KCTD8: variants seen among roughly 807,000 people sequenced by gnomAD.
KCTD8 encodes the protein BTB/POZ domain-containing protein KCTD8.
In KCTD8, 27 loss-of-function variants were observed where a neutral mutation model predicts 31.5. The observed-to-expected ratio is 0.86, with a 90% CI of 0.63 to 1.18. The LOEUF (loss-of-function observed/expected upper bound fraction) is 1.18, where lower values mean the gene tolerates loss of function less well. KCTD8 is among the 50% of genes most tolerant of loss of function. KCTD8 has a pLI of 0.00. For missense variants in KCTD8, 658 were observed against 647.7 expected, an observed-to-expected ratio of 1.02 and a Z score of -0.17; for synonymous variants, 290 against 280.0, an observed-to-expected ratio of 1.04 and a Z score of -0.36.
At chr4:44,213,389 T>G (rs1010644747) in intron 1 of KCTD8, among the ~76,000 whole-genome samples, 2 of 152,186 alleles carry the variant, frequency 1.3e-5, no homozygotes, top group Non-Finnish European at 1.5e-5. Context: ...TTAGGAAAGG[T>G]TATGCCACAT....
At chr4:44,325,964 T>C (rs984718571) in intron 1 of KCTD8, among the ~76,000 whole-genome samples, 6 of 151,924 alleles carry the variant, frequency 3.9e-5, no homozygotes, top group African/African-American at 1.5e-4. Flanking sequence ...ATGGAGAAGT[T>C]CTTGAGACAG....
chr4:44,310,297 G>A (rs577493700), intron 1 of KCTD8, among the ~76,000 whole-genome samples: 1 of 152,124 alleles, frequency 6.6e-6, no homozygotes, highest in Admixed American at 6.5e-5. Flanking sequence ...CATAGAAACA[G>A]CTTTAATACA....
intron 1 of KCTD8, among the ~76,000 whole-genome samples, chr4:44,307,132 C>G (rs1326341998): frequency 6.6e-6 from 1 of 151,898 alleles, no homozygotes; most frequent in Non-Finnish European, 1.5e-5. Context: ...TAGGAGGTAT[C>G]CAGTCACAAA....
intron 1 of KCTD8, among the ~76,000 whole-genome samples, chr4:44,256,524 G>T (rs1246565865): frequency 6.6e-6 from 1 of 152,026 alleles, no homozygotes; most frequent in African/African-American, 2.4e-5. Context: ...GGATATGGAA[G>T]GAAGTTTCAT....
intron 1 of KCTD8, among the ~76,000 whole-genome samples, chr4:44,435,852 T>C (rs770706194): frequency 6.6e-6 from 1 of 152,084 alleles, no homozygotes; most frequent in Non-Finnish European, 1.5e-5. Flanking sequence ...CTATAGGTGA[T>C]CGGTTGTCCT....
At chr4:44,388,402 C>T (rs1250679281) in intron 1 of KCTD8, among the ~76,000 whole-genome samples, 1 of 151,902 alleles carries the variant, frequency 6.6e-6, no homozygotes, top group African/African-American at 2.4e-5. Context: ...GACACATGCA[C>T]ACGTATGTTC....
intron 1 of KCTD8, among the ~76,000 whole-genome samples, chr4:44,229,974 C>T (rs939609598): frequency 2.0e-5 from 3 of 151,846 alleles, no homozygotes; most frequent in Admixed American, 6.6e-5. Context: ...CTCTCCCTCC[C>T]CCACCCCCTG....
Position 44,203,900 on chromosome 4 carries a change from T to C in KCTD8, c.962-28650A>G, listed in dbSNP as rs1414772072. Reference sequence around the variant, plus strand: ...AAAAAATAGAAAACATGAAGTAATATATATAAATAAAAGAAATGAGAAATA... The same window carrying C: ...AAAAAATAGAAAACATGAAGTAATACATATAAATAAAAGAAATGAGAAATA... On this transcript the variant is annotated intron_variant, in intron 1 of 1. Coordinates refer to ENST00000360029, the MANE Select transcript of KCTD8 (RefSeq NM_198353.3). 2.0e-5 allele frequency among the ~76,000 whole-genome samples: 3 copies of C among 151,618 alleles called. No individual in the cohort carries two copies. The East Asian group carries it at 5.8e-4, about 29-fold the overall frequency.
At chr4:44,196,703 G>A (rs899221478) in intron 1 of KCTD8, among the ~76,000 whole-genome samples, 7 of 152,142 alleles carry the variant, frequency 4.6e-5, no homozygotes, top group African/African-American at 1.4e-4. Context: ...AAGGGTGAGA[G>A]AGGAAGAGCT....
chr4:44,425,685 A>C (rs146261059), intron 1 of KCTD8, among the ~76,000 whole-genome samples: 1 of 152,144 alleles, frequency 6.6e-6, no homozygotes, highest in African/African-American at 2.4e-5. Flanking sequence ...AGATGGGTGA[A>C]TACTGGGGAG....
intron 1 of KCTD8, among the ~76,000 whole-genome samples, chr4:44,431,898 G>A (rs1721515187): frequency 6.6e-6 from 1 of 151,506 alleles, no homozygotes; most frequent in Admixed American, 6.6e-5. Context: ...AAAGTTGAGA[G>A]CTTGAACATC....
intron 1 of KCTD8, among the ~76,000 whole-genome samples, chr4:44,422,693 C>G (rs1305165251): frequency 6.6e-6 from 1 of 151,950 alleles, no homozygotes; most frequent in Non-Finnish European, 1.5e-5. Context: ...GGGGATAGGG[C>G]TAGATGGTTT....
intron 1 of KCTD8, among the ~76,000 whole-genome samples, chr4:44,218,505 C>T (rs922017616): frequency 2.7e-5 from 4 of 150,908 alleles, no homozygotes; most frequent in Admixed American, 6.6e-5. Context: ...ATACCCCATA[C>T]TCCGTGATGT....
chr4:44,429,726 G>A (rs1031444621), intron 1 of KCTD8, among the ~76,000 whole-genome samples: 4 of 151,698 alleles, frequency 2.6e-5, no homozygotes, highest in African/African-American at 9.7e-5. Flanking sequence ...GAGAGATGTT[G>A]AATGTCCAAA....
intron 1 of KCTD8, among the ~76,000 whole-genome samples, chr4:44,251,634 G>C (rs1715837119): frequency 6.6e-6 from 1 of 151,344 alleles, no homozygotes; most frequent in East Asian, 1.9e-4. Context: ...ATTTGTGAAA[G>C]CTACAAATTT....
intron 1 of KCTD8, among the ~76,000 whole-genome samples, chr4:44,386,653 G>GTC (rs1720230789): frequency 6.6e-6 from 1 of 151,604 alleles, no homozygotes; most frequent in Middle Eastern, 3.2e-3. Flanking sequence ...TGGCGGGAAT[G>GTC]TAAGTCAGTA....
intron 1 of KCTD8, among the ~76,000 whole-genome samples, chr4:44,276,619 A>G (rs1406796675): frequency 1.3e-5 from 2 of 151,996 alleles, no homozygotes; most frequent in Non-Finnish European, 2.9e-5. Context: ...ATCATTCTAT[A>G]TAACTAGTTG....
At chr4:44,178,920 C>T (rs1318034699) in intron 1 of KCTD8, among the ~76,000 whole-genome samples, 1 of 152,146 alleles carries the variant, frequency 6.6e-6, no homozygotes, top group Non-Finnish European at 1.5e-5. Flanking sequence ...GAATTTTGTA[C>T]CCACCATGTG....
intron 1 of KCTD8, among the ~76,000 whole-genome samples, chr4:44,296,247 A>G (rs959900896): frequency 6.6e-6 from 1 of 151,810 alleles, no homozygotes; most frequent in Non-Finnish European, 1.5e-5. Flanking sequence ...GATCCTTAGT[A>G]ACCCCTATTT....
Sources: allele counts gnomAD v4.1 joint callset (sites outside exome capture counted in the v4.1 genomes callset), GRCh38; gene constraint gnomAD v4.1.1; transcripts MANE v1.5; gene names NCBI Gene and HGNC (gene_info 2026-07-23, HGNC 2026-07-21).